ITGA8: variants seen among roughly 807,000 people sequenced by gnomAD.
ITGA8 encodes the protein integrin alpha-8.
In ITGA8, 91 loss-of-function variants were observed where a neutral mutation model predicts 142.3. The observed-to-expected ratio is 0.64, with a 90% confidence interval of 0.54 to 0.76. The LOEUF (loss-of-function observed/expected upper bound fraction) is 0.76. ITGA8 is among the 30% of genes least tolerant of loss of function. The pLI, the probability that ITGA8 is intolerant of heterozygous loss-of-function variation, is 0.00. For missense variants in ITGA8, 1,406 were observed against 1,327.7 expected (o/e 1.06, Z -0.92); for synonymous variants, 505 against 485.2 (o/e 1.04, Z -0.54).
chr10:15,579,144 T>C (rs2131586201), intron 23 of ITGA8, among the ~76,000 whole-genome samples: 1 of 152,088 alleles, frequency 6.6e-6, no homozygotes, highest in East Asian at 1.9e-4. Flanking sequence ...GTATTAAACA[T>C]TGAAACCAAT....
At chr10:15,684,756 C>G (rs536907456) in intron 3 of ITGA8, among the ~76,000 whole-genome samples, 1 of 151,932 alleles carries the variant, frequency 6.6e-6, no homozygotes, top group Non-Finnish European at 1.5e-5. Flanking sequence ...TATTTCTTTT[C>G]TTTTTAATTG....
intron 23 of ITGA8, among the ~76,000 whole-genome samples, chr10:15,585,261 C>A (rs562454509): frequency 1.5e-4 from 23 of 152,308 alleles, no homozygotes; most frequent in African/African-American, 5.5e-4. Context: ...GCTCTGGAGA[C>A]AGTTGCCTAT....
At chr10:15,586,793 G>T (rs370537307) in intron 22 of ITGA8, 129 bp from the exon 23 acceptor site, 1 of 562,458 alleles carries the variant, frequency 1.8e-6, no homozygotes. Context: ...GGATACAAGT[G>T]TATTCATTCT....
chr10:15,618,404 A>G (rs1833432384), intron 13 of ITGA8, among the ~76,000 whole-genome samples: 1 of 152,252 alleles, frequency 6.6e-6, no homozygotes, highest in South Asian at 2.1e-4. Flanking sequence ...AAACTAAGTC[A>G]GGAATTAAAT....
rs114231448 is a variant in ITGA8, at chr10:15,690,380, C to T, written c.344-2342G>A. ...CTCTTCCTCTGCAGAGCCATGCCAG[C>T]GCTGCACCCTCACACCCAGGATCAC... On this transcript the variant is annotated intron_variant, in intron 2 of 29. Transcript: ENST00000378076. Among the ~76,000 whole-genome samples the T allele has an allele frequency of 6.7e-3, 1,020 of 152,304 alleles. 8 individuals carry two copies. The highest frequency in any genetic ancestry group is 0.023 in the African/African-American group (956 of 41,562).
chr10:15,617,430 G>A (rs886735614), intron 13 of ITGA8, among the ~76,000 whole-genome samples: 4 of 150,162 alleles, frequency 2.7e-5, no homozygotes, highest in African/African-American at 9.8e-5. Flanking sequence ...ACAGAGTCTC[G>A]CTCCATCGCC....
chr10:15,594,791 C>CAA (rs36000683), intron 21 of ITGA8, among the ~76,000 whole-genome samples: 4 of 151,696 alleles, frequency 2.6e-5, no homozygotes, highest in Non-Finnish European at 5.9e-5. Context: ...CAAAACAAAA[C>CAA]AAAAAAAATG....
At chr10:15,643,115 T>C (rs1833900002) in intron 13 of ITGA8, among the ~76,000 whole-genome samples, 1 of 152,218 alleles carries the variant, frequency 6.6e-6, no homozygotes, top group Non-Finnish European at 1.5e-5. Flanking sequence ...TGTCTTCATA[T>C]AGCATGCACA....
At chr10:15,595,921 ATGCACC>A (rs1172833842) in intron 21 of ITGA8, among the ~76,000 whole-genome samples, 1 of 152,118 alleles carries the variant, frequency 6.6e-6, no homozygotes, top group Admixed American at 6.5e-5. Flanking sequence ...GCATGTTGGC[ATGCACC>A]TGTAATCTCA....
chr10:15,520,937 T>C (rs955932804), intron 28 of ITGA8, among the ~76,000 whole-genome samples: 2 of 152,124 alleles, frequency 1.3e-5, no homozygotes, highest in African/African-American at 4.8e-5. Context: ...TAGCAGGAAA[T>C]GTATTGGTGT....
rs1044775091 is a variant in ITGA8 at position 15,665,899 on chromosome 10, A to G, written c.848-4977T>C. On this transcript the variant is annotated intron_variant, in intron 8 of 29. Coordinates refer to ENST00000378076, the MANE Select transcript of ITGA8 (RefSeq NM_003638.3). ...ATATCTCTGTTTTGGTACCAGTACC[A>G]TGCTGTTTTGGTTACTGTAGCCTTG... Among the ~76,000 whole-genome samples the G allele has an allele frequency of 1.1e-4, 17 of 152,322 alleles. No homozygotes were observed. In the South Asian group the frequency reaches 1.7e-3, roughly 15 times the overall value.
intron 3 of ITGA8, among the ~76,000 whole-genome samples, chr10:15,685,299 G>A (rs779839783): frequency 1.2e-4 from 19 of 152,094 alleles, no homozygotes; most frequent in African/African-American, 3.1e-4. Flanking sequence ...ATTCTAAGGC[G>A]GCAAATAACC....
At chr10:15,701,534 G>A (rs1835164421) in intron 2 of ITGA8, among the ~76,000 whole-genome samples, 1 of 152,040 alleles carries the variant, frequency 6.6e-6, no homozygotes, top group African/African-American at 2.4e-5. Flanking sequence ...AGGAGTGAGG[G>A]GATGTGGAAT....
intron 8 of ITGA8, among the ~76,000 whole-genome samples, chr10:15,664,526 A>G (rs577210912): frequency 2.9e-4 from 43 of 149,476 alleles, no homozygotes; most frequent in Non-Finnish European, 5.5e-4. Flanking sequence ...ACATTTTATT[A>G]TTATTATACT....
At chr10:15,635,003 C>CTTTTTTTTTT (rs915334219) in intron 13 of ITGA8, among the ~76,000 whole-genome samples, 7 of 107,232 alleles carry the variant, frequency 6.5e-5, no homozygotes, top group African/African-American at 1.4e-4. Flanking sequence ...TTCTTTCTTT[C>CTTTTTTTTTT]TTTTTTTTTT....
intron 6 of ITGA8, among the ~76,000 whole-genome samples, chr10:15,673,403 G>A (rs1834566959): frequency 6.6e-6 from 1 of 152,002 alleles, no homozygotes; most frequent in Non-Finnish European, 1.5e-5. Context: ...TTTTATTCTG[G>A]AATATTCCAC....
intron 28 of ITGA8, among the ~76,000 whole-genome samples, chr10:15,520,391 C>T (rs1255687943): frequency 6.6e-6 from 1 of 152,166 alleles, no homozygotes; most frequent in African/African-American, 2.4e-5. Context: ...CCAGCCTAGG[C>T]AACAGGGTGA....
chr10:15,668,458 C>G (rs958072664), intron 8 of ITGA8, among the ~76,000 whole-genome samples: 2 of 148,750 alleles, frequency 1.3e-5, no homozygotes, highest in African/African-American at 4.9e-5. Context: ...ACTGATGGGT[C>G]TTGACTCTTT....
intron 11 of ITGA8, among the ~76,000 whole-genome samples, chr10:15,651,454 G>A (rs187986677): frequency 6.6e-6 from 1 of 151,714 alleles, no homozygotes; most frequent in East Asian, 1.9e-4. Flanking sequence ...CCACTCAATC[G>A]TACTTGGAGA....
Sources: gnomAD v4.1 joint callset for allele counts (sites outside exome capture counted in the v4.1 genomes callset) on GRCh38, gnomAD v4.1.1 for gene constraint, MANE v1.5 for transcripts, NCBI Gene and HGNC (gene_info 2026-07-23, HGNC 2026-07-21) for gene names.